Variants in ELAPOR2 observed in about 807,000 individuals in gnomAD.
ELAPOR2 encodes endosome/lysosome-associated apoptosis and autophagy regulator family member 2.
ELAPOR2 carries 89 observed loss-of-function variants against 120.7 expected under a neutral mutation model. The observed-to-expected ratio is 0.74, with a 90% CI of 0.62 to 0.88. ELAPOR2 has a LOEUF of 0.88. ELAPOR2 is among the 40% of genes least tolerant of loss of function. The pLI is 0.00. For missense variants in ELAPOR2, 1,134 were observed against 1,251.6 expected, an observed-to-expected ratio of 0.91 and a Z score of 1.42; for synonymous variants, 444 against 444.9, an observed-to-expected ratio of 1.00 and a Z score of 0.03.
chr7:86,904,015 T>C (rs908281466), intron 18 of ELAPOR2, among the ~76,000 whole-genome samples: 1 of 152,044 alleles, frequency 6.6e-6, no homozygotes, highest in African/African-American at 2.4e-5. Flanking sequence ...GATGAAAAAA[T>C]GGCAAGATGA....
rs748444370 is a variant in ELAPOR2 at position 86,914,754 on chromosome 7, C to T, written c.1700G>A (p.Trp567Ter). ...IFKNATFTFTWAFQRTNQGQD... is the reference protein window; with the variant it reads ...IFKNATFTFT ...ACCCTGATTAGTTCTCTGGAATGCC[C>T]ATGTAAATGTAAAAGTTGCATTCTT... The change falls in exon 13 of 22, where the codon TGG becomes TAG. Residue 567 changes from tryptophan (W) to a stop codon, truncating the protein, a stop_gained. Transcript: ENST00000450689. LOFTEE classifies it high-confidence loss of function. 135 of 1,611,332 alleles carry T rather than the reference C, an allele frequency of 8.4e-5. No individual in the cohort carries two copies. Among genetic ancestry groups the T allele is most frequent in the Non-Finnish European group, 1.1e-4 (132 of 1,178,806 alleles).
chr7:86,967,487 A>T (rs953236527), intron 1 of ELAPOR2, among the ~76,000 whole-genome samples: 6 of 152,144 alleles, frequency 3.9e-5, no homozygotes, highest in Non-Finnish European at 7.4e-5. Flanking sequence ...TGTCTGTCTT[A>T]TTTCCATGTT....
chr7:86,970,045 G>C (rs1792052427), intron 1 of ELAPOR2, among the ~76,000 whole-genome samples: 1 of 152,150 alleles, frequency 6.6e-6, no homozygotes, highest in Non-Finnish European at 1.5e-5. Flanking sequence ...CCTCAGCCTA[G>C]GGTGGATGAA....
intron 5 of ELAPOR2, chr7:86,941,464 G>A: frequency 2.0e-6 from 1 of 497,744 alleles, no homozygotes; most frequent in East Asian, 5.7e-5. Context: ...CAAATAGGTA[G>A]GAGGCAGGTT....
intron 2 of ELAPOR2, among the ~76,000 whole-genome samples, chr7:86,954,046 C>G (rs368244489): frequency 3.9e-5 from 6 of 152,104 alleles, no homozygotes; most frequent in Non-Finnish European, 8.8e-5. Flanking sequence ...TAATCAGATA[C>G]GGAAAAAGCA....
At chr7:86,912,382 T>C (rs1789356240) in intron 14 of ELAPOR2, 137 bp from the exon 15 acceptor site, 6 of 466,920 alleles carry the variant, frequency 1.3e-5, no homozygotes, top group Non-Finnish European at 1.9e-5. Flanking sequence ...ACCATACTAA[T>C]ATAAAGAATT....
intron 2 of ELAPOR2, 60 bp downstream of exon 2, chr7:86,964,844 C>A: frequency 6.6e-7 from 1 of 1,525,490 alleles, no homozygotes; most frequent in Non-Finnish European, 8.9e-7. Context: ...ACATCTAGGG[C>A]TAATATGAAG....
At chr7:86,945,098 C>T in intron 3 of ELAPOR2, 52 bp from the exon 4 acceptor site, 1 of 1,488,848 alleles carries the variant, frequency 6.7e-7, no homozygotes, top group Non-Finnish European at 9.1e-7. Flanking sequence ...GAAACCTCTT[C>T]TATTCACAAA....
chr7:86,973,992 C>A (rs1792190570), intron 1 of ELAPOR2, among the ~76,000 whole-genome samples: 1 of 151,756 alleles, frequency 6.6e-6, no homozygotes, highest in African/African-American at 2.4e-5. Context: ...AGGGAGGATC[C>A]CTCCCTCTAC....
intron 1 of ELAPOR2, among the ~76,000 whole-genome samples, chr7:87,023,161 T>A (rs964932046): frequency 1.3e-5 from 2 of 152,202 alleles, no homozygotes; most frequent in African/African-American, 4.8e-5. Flanking sequence ...CTGAATGGTA[T>A]TGCCTAGGTT....
Position 86,944,919 on chromosome 7 carries a change from T to C in ELAPOR2, c.634A>G (p.Asn212Asp). 1 of 1,545,260 alleles carries C rather than the reference T, an allele frequency of 6.5e-7. No homozygotes were observed. The highest frequency in any genetic ancestry group is 2.5e-5 in the East Asian group (1 of 40,742). ...CTTACAAAGAACTCAAAGAAGATGT[T>C]GTTGTCGACATACTGGTACTCAAAG... ...VFFEYQYVDN[N>D]IFFEFFIQND... The change falls in exon 4 of 22, where the codon AAC becomes GAC. Residue 212 changes from asparagine (N) to aspartate (D), a missense_variant. This residue lies in a region of ELAPOR2 where 280 missense variants were observed against 331.5 expected (regional missense o/e 0.84). Coordinates refer to ENST00000450689, the MANE Select transcript of ELAPOR2 (RefSeq NM_001142749.3).
At chr7:86,980,572 C>T (rs1050339669) in intron 1 of ELAPOR2, among the ~76,000 whole-genome samples, 6 of 152,074 alleles carry the variant, frequency 3.9e-5, no homozygotes, top group Admixed American at 2.6e-4. Context: ...TTGCATTCTA[C>T]GTTGACAAGA....
At chr7:87,040,023 A>G (rs983534095) in intron 1 of ELAPOR2, among the ~76,000 whole-genome samples, 4 of 152,210 alleles carry the variant, frequency 2.6e-5, no homozygotes, top group Non-Finnish European at 5.9e-5. Context: ...GGCACCTGGA[A>G]AATCGGGTCA....
chr7:86,975,866 T>G (rs1401962317), intron 1 of ELAPOR2, among the ~76,000 whole-genome samples: 1 of 152,208 alleles, frequency 6.6e-6, no homozygotes, highest in Non-Finnish European at 1.5e-5. Flanking sequence ...TTCTTTTCTT[T>G]CCTTTTTCTC....
At chr7:86,908,373 T>G in intron 17 of ELAPOR2, 74 bp downstream of exon 17, 1 of 745,214 alleles carries the variant, frequency 1.3e-6, no homozygotes, top group Non-Finnish European at 2.3e-6. Flanking sequence ...TATAAATATA[T>G]GAGTATTGGT....
chr7:86,954,885 C>T lies in ELAPOR2; in HGVS notation c.311-6963G>A, dbSNP rs140342820. Among the ~76,000 whole-genome samples the T allele has an allele frequency of 2.6e-4, 40 of 152,126 alleles. No homozygotes were observed. The East Asian group carries it at 6.2e-3, about 23-fold the overall frequency. On this transcript the variant is annotated intron_variant, in intron 2 of 21. Transcript: ENST00000450689. ...CATAGACATTCTTATATCGACGACA[C>T]GCTGATGCTCTTGCAACTGTTCTTA...
At chr7:86,889,220 A>G (rs1799836447) in intron 21 of ELAPOR2, among the ~76,000 whole-genome samples, 1 of 152,046 alleles carries the variant, frequency 6.6e-6, no homozygotes, top group African/African-American at 2.4e-5. Context: ...ACCAAGACAA[A>G]GTCTGTGCAA....
At chr7:86,957,252 G>A (rs576881698) in intron 2 of ELAPOR2, among the ~76,000 whole-genome samples, 1 of 152,120 alleles carries the variant, frequency 6.6e-6, no homozygotes, top group African/African-American at 2.4e-5. Flanking sequence ...AGCCTTCTGA[G>A]GACAAAATAT....
At chr7:86,910,860 A>T (rs928618207) in intron 15 of ELAPOR2, among the ~76,000 whole-genome samples, 7 of 152,110 alleles carry the variant, frequency 4.6e-5, no homozygotes, top group Non-Finnish European at 8.8e-5. Flanking sequence ...CAGCTAGCAG[A>T]CCTAACCTAT....
Sources: gnomAD v4.1 joint callset for allele counts (sites outside exome capture counted in the v4.1 genomes callset) on GRCh38, gnomAD v4.1.1 for gene constraint, gnomAD v4.1.1 regional missense constraint, MANE v1.5 for transcripts, NCBI Gene and HGNC (gene_info 2026-07-23, HGNC 2026-07-21) for gene names.